Variants in CLU observed in about 807,000 individuals in gnomAD.
The protein encoded by CLU is clusterin.
Under a neutral mutation model 46.4 loss-of-function variants are expected in CLU, and 25 were observed. The ratio of observed to expected loss-of-function variants is 0.54; its 90% CI spans 0.39 to 0.75. The LOEUF (loss-of-function observed/expected upper bound fraction) is 0.75. Ranked by LOEUF, CLU falls within the 30% of genes least tolerant of loss-of-function variation. The pLI is 0.00. For missense variants in CLU, 504 were observed against 592.1 expected (o/e 0.85, Z 1.54); for synonymous variants, 235 against 235.1 (o/e 1.00, Z 0.00).
intron 5 of CLU, 22 bp downstream of exon 5, chr8:27,604,902 A>T: frequency 6.2e-7 from 1 of 1,614,022 alleles, no homozygotes; most frequent in Non-Finnish European, 8.5e-7. Context: ...TCAAAAGGCC[A>T]TGAGCTTCCA....
chr8:27,600,814 CT>C (rs940897813), intron 6 of CLU, among the ~76,000 whole-genome samples: 17 of 152,140 alleles, frequency 1.1e-4, no homozygotes, highest in Non-Finnish European at 2.5e-4. Context: ...TCTGGATATC[CT>C]TTTTCTCTAA....
Position 27,598,072 on chromosome 8 carries a change from G to A in CLU, c.*169C>T, listed in dbSNP as rs528679692. On this transcript the variant is annotated 3_prime_UTR_variant, in exon 9 of 9. Transcript: ENST00000316403. ...TTCTTCCCATGAGCAGCAGAGTCGA[G>A]TGTTAGAGTGCAGGATCCAGAGCGG... 5.2e-5 allele frequency: 37 copies of A among 718,128 alleles called. No homozygotes were observed. The highest frequency in any genetic ancestry group is 4.9e-4 in the African/African-American group (28 of 57,378). 44.5% of individuals were successfully genotyped at this position (718,128 alleles called of 1,614,324 possible).
intron 5 of CLU, 91 bp downstream of exon 5, chr8:27,604,833 A>G (rs1280908068): frequency 7.0e-7 from 1 of 1,433,386 alleles, no homozygotes; most frequent in Non-Finnish European, 9.8e-7. Context: ...ATTGCTGGAG[A>G]AAAATCGAGA....
rs1318260275 is a variant in CLU, at chr8:27,605,311, A to C, written c.442T>G (p.Ser148Ala). The part of the protein sequence containing the change: ...RQLEEFLNQS[S>A]PFYFWMNGDR... ...CCATTCATCCAGAAGTAGAAGGGCG[A>C]GCTCTGGTTCAGGAACTCCTCAAGC... The change falls in exon 5 of 9, where the codon TCG becomes GCG. Residue 148 changes from serine to alanine, a missense_variant. This residue lies in a region of CLU where 428 missense variants were observed against 484.0 expected (regional missense o/e 0.88). Transcript: ENST00000316403. The C allele has an allele frequency of 6.2e-7, 1 of 1,614,178 alleles. No homozygotes were observed. The highest frequency in any genetic ancestry group is 2.2e-5 in the East Asian group (1 of 44,874).
chr8:27,608,216 T>C (rs1800856720), intron 3 of CLU, among the ~76,000 whole-genome samples: 1 of 152,160 alleles, frequency 6.6e-6, no homozygotes, highest in Admixed American at 6.5e-5. Flanking sequence ...ATGAATTCCC[T>C]GGTCAGTTTG....
At chr8:27,614,424 T>C (rs936298582) in intron 1 of CLU, 9 of 306,404 alleles carry the variant, frequency 2.9e-5, no homozygotes, top group African/African-American at 1.8e-4. Flanking sequence ...CACCACAGAA[T>C]TGTGGTTGGA....
chr8:27,606,617 C>A, intron 3 of CLU, 93 bp from the exon 4 acceptor site: 1 of 1,500,866 alleles, frequency 6.7e-7, no homozygotes, highest in African/African-American at 1.4e-5. Flanking sequence ...TGCCCCAGGG[C>A]AGGCCTTCCC....
chr8:27,606,299 A>G, intron 4 of CLU, 55 bp downstream of exon 4: 1 of 1,592,780 alleles, frequency 6.3e-7, no homozygotes, highest in Non-Finnish European at 8.6e-7. Flanking sequence ...ATATTTCACT[A>G]GGCTCCCCTC....
intron 1 of CLU, chr8:27,612,037 T>C (rs1031630447): frequency 3.0e-6 from 1 of 334,816 alleles, no homozygotes; most frequent in African/African-American, 2.2e-5. Context: ...CCATGAAGAA[T>C]GGGGCAGCCA....
In CLU at chr8:27,609,414, G is replaced by C. The variant is rs545747658; in HGVS notation, c.98-328C>G. Among the ~76,000 whole-genome samples the C allele has an allele frequency of 4.7e-5, 7 of 150,516 alleles. No homozygotes were observed. The South Asian group carries it at 1.5e-3, about 31-fold the overall frequency. ...GGCAAGGAAAAAAAAAAACCCAGAA[G>C]TGTCAGCTTTGCAGCATCAAAATAT... On this transcript the variant is annotated intron_variant, in intron 2 of 8. Transcript: ENST00000316403.
intron 1 of CLU, 192 bp downstream of exon 1, chr8:27,614,463 G>A (rs935150432): frequency 3.4e-5 from 11 of 327,996 alleles, no homozygotes; most frequent in African/African-American, 9.1e-5. Context: ...CGGTTGCGCC[G>A]GGGCCCCTGG....
At chr8:27,608,654 G>A in intron 3 of CLU, 1 of 555,250 alleles carries the variant, frequency 1.8e-6, no homozygotes, top group African/African-American at 1.9e-5. Context: ...GAGCCTGCTT[G>A]GAACTAGCAT....
chr8:27,598,700 C>T, intron 7 of CLU, 65 bp from the exon 8 acceptor site: 1 of 1,516,864 alleles, frequency 6.6e-7, no homozygotes. Context: ...CGCTCTGCAA[C>T]AGAAGTCAGG....
chr8:27,610,586 A>C lies in CLU; in HGVS notation c.-15T>G. 6.2e-7 allele frequency: 1 copy of C among 1,613,382 alleles called. No homozygotes were observed. Among genetic ancestry groups the C allele is most frequent in the African/African-American group, 1.3e-5 (1 of 75,052 alleles). On this transcript the variant is annotated 5_prime_UTR_variant, in exon 2 of 9. Transcript: ENST00000316403. The stretch of plus-strand genomic sequence containing the variant: ...GTCTTCATCATGCCTCCAATTCTGG[A>C]GTCTTTGCACGCCTCTGCAGAGAAC...
At position 27,599,372 on chromosome 8, in the gene CLU, A is replaced by C. The variant is rs1257680517; in HGVS notation, c.1164+408T>G. ...CTAGAGAGAAGTTTTTATCACTGGC[A>C]GAGAGTGATGTACTAATTCATAAGC... On this transcript the variant is annotated intron_variant, in intron 7 of 8. Transcript: ENST00000316403. The surrounding 1 kb of genome is among the most constrained non-coding windows in gnomAD (Gnocchi z 4.0). The C allele has an allele frequency of 4.6e-6, 1 of 219,736 alleles. No individual in the cohort carries two copies. The allele number at this position is 219,736 out of a possible 1,614,324, so 13.6% of individuals were successfully genotyped here. A position where few individuals can be genotyped will look rare whatever the true frequency, so the allele number is the denominator to read the frequency against.
intron 7 of CLU, 103 bp from the exon 8 acceptor site, chr8:27,598,738 T>C: frequency 9.1e-7 from 1 of 1,098,132 alleles, no homozygotes; most frequent in Non-Finnish European, 1.4e-6. Flanking sequence ...CTCCTGCTTC[T>C]CCAAGGAAAC....
At chr8:27,611,665 A>G (rs1448964632) in intron 1 of CLU, 1 of 457,810 alleles carries the variant, frequency 2.2e-6, no homozygotes, top group East Asian at 7.0e-5. Flanking sequence ...TCACATCCAA[A>G]GCCCGCTCAG....
intron 5 of CLU, 74 bp from the exon 6 acceptor site, chr8:27,604,469 T>C (rs2128908889): frequency 5.2e-6 from 6 of 1,160,154 alleles, no homozygotes; most frequent in East Asian, 2.5e-5. Context: ...CCTATTGTTA[T>C]TTTTATTTAT....
Position 27,597,041 on chromosome 8 carries a change from G to A in CLU, c.*1200C>T, listed in dbSNP as rs542002710. On this transcript the variant is annotated 3_prime_UTR_variant, in exon 9 of 9. Coordinates refer to ENST00000316403, the MANE Select transcript of CLU (RefSeq NM_001831.4). ...TGTATATCATTAAGTGAATCACACT[G>A]ACTTTACTCTGAATTTCCTTGACAG... 43 of 454,080 alleles carry A rather than the reference G, an allele frequency of 9.5e-5. No homozygotes were observed. Among genetic ancestry groups the A allele is most frequent in the South Asian group, 6.4e-4 (41 of 64,470 alleles). 28.1% of individuals were successfully genotyped at this position (454,080 alleles called of 1,614,324 possible). A position where few individuals can be genotyped will look rare whatever the true frequency, so the allele number is the denominator to read the frequency against.
Sources: gnomAD v4.1 joint callset for allele counts (sites outside exome capture counted in the v4.1 genomes callset) on GRCh38, gnomAD v4.1.1 for gene constraint, gnomAD v4.1.1 regional missense constraint, Gnocchi (gnomAD v3.1) non-coding constraint, MANE v1.5 for transcripts, NCBI Gene and HGNC (gene_info 2026-07-23, HGNC 2026-07-21) for gene names.